Variants in NCOR2 observed in about 807,000 individuals in gnomAD.
The protein encoded by NCOR2 is CTG repeat protein 26.
Under a neutral mutation model 262.9 loss-of-function variants are expected in NCOR2, and 81 were observed. The observed-to-expected ratio is 0.31, with a 90% CI of 0.26 to 0.37. The LOEUF is 0.37. NCOR2 is among the 10% of genes least tolerant of loss of function. The probability of loss-of-function intolerance (pLI) is 1.00; values close to 1 mark genes in which losing one functional copy is unlikely to be tolerated. For synonymous variants in NCOR2, 1,659 were observed against 1,559.3 expected, an observed-to-expected ratio of 1.06 and a Z score of -1.51; for missense variants, 3,385 against 3,621.4, an observed-to-expected ratio of 0.93 and a Z score of 1.68.
At chr12:124,498,710 C>T (rs907869542), upstream of NCOR2, among the ~76,000 whole-genome samples, 3 of 152,224 alleles carry the variant, frequency 2.0e-5, no homozygotes, top group South Asian at 2.1e-4. Flanking sequence ...AAACAAAACA[C>T]GGTATGCATG....
At chr12:124,400,616 G>C in exon 15 of NCOR2, 2 of 1,614,170 alleles carry the variant, frequency 1.2e-6, no homozygotes, top group Non-Finnish European at 1.7e-6. Flanking sequence ...TGCGGCCTTT[G>C]GAGGCCACAG....
chr12:124,433,439 C>T (rs932966684), intron 8 of NCOR2, among the ~76,000 whole-genome samples: 1 of 152,248 alleles, frequency 6.6e-6, no homozygotes, highest in Non-Finnish European at 1.5e-5. Context: ...AGGCCACTGG[C>T]CAGCGGGGCC....
At chr12:124,362,041 C>T (rs1458757250) in intron 22 of NCOR2, 85 bp downstream of exon 24, 48 of 1,177,318 alleles carry the variant, frequency 4.1e-5, no homozygotes, top group Non-Finnish European at 4.9e-5. Context: ...ATGGGGTTTG[C>T]AGCAGCTGCT....
exon 38 of NCOR2, chr12:124,336,805 T>C (rs2035942561): frequency 2.5e-6 from 4 of 1,613,176 alleles, no homozygotes; most frequent in African/African-American, 1.3e-5. Context: ...TTTGAGTCTT[T>C]TCCCGGTGCG....
chr12:124,495,834 G>C (rs2048349162), upstream of NCOR2, among the ~76,000 whole-genome samples: 1 of 152,088 alleles, frequency 6.6e-6, no homozygotes, highest in Non-Finnish European at 1.5e-5. This position sits in a 1 kb window ranked among gnomAD's most constrained non-coding sequence, Gnocchi z 4.4. Context: ...GCTCAGGCGG[G>C]CCACGGGCCA....
rs535444474 is a variant in NCOR2 at position 124,544,449 on chromosome 12, G to A, written c.-164-8838C>T. 1.1e-4 allele frequency among the ~76,000 whole-genome samples: 17 copies of A among 152,296 alleles called. 1 individual carries two copies. The highest frequency in any genetic ancestry group is 5.8e-4 in the East Asian group (3 of 5,184). On this transcript the variant is annotated intron_variant, in intron 1 of 32. Transcript: ENST00000458234. ...GGCCTTTAGAAGCTCCCTGGAGGGC[G>A]GGGGCACCATCCGCCAGAAGCAATT... is the stretch of plus-strand genomic sequence containing the variant.
In NCOR2 at chr12:124,566,660, G is replaced by A. The variant is rs1167282298; in HGVS notation, c.-165+648C>T. Among the ~76,000 whole-genome samples, 1 of 152,230 alleles carries A rather than the reference G, an allele frequency of 6.6e-6. No individual in the cohort carries two copies. Among genetic ancestry groups the A allele is most frequent in the Non-Finnish European group, 1.5e-5 (1 of 68,038 alleles). On this transcript the variant is annotated intron_variant, in intron 1 of 32. Transcript: ENST00000458234. This position sits in a 1 kb window ranked among gnomAD's most constrained non-coding sequence, Gnocchi z 4.3. ...GCACAGCCCGGGGGAGGGACTAGGA[G>A]GCGGCCCAATGAGGCGTCACCAGCC... is the stretch of plus-strand genomic sequence containing the variant.
Position 124,531,737 on chromosome 12 carries a change from T to C in NCOR2, c.-118+3828A>G, listed in dbSNP as rs57232116. 0.11 allele frequency among the ~76,000 whole-genome samples: 15,709 copies of C among 146,354 alleles called. 2,269 individuals are homozygous for C. The highest frequency in any genetic ancestry group is 0.34 in the African/African-American group (13,391 of 39,928). ...CGGTCCTCCCAGAGCCCCCGAGAGG[T>C]GAGATCCCACCGGGCCAGGGCCCTA... On this transcript the variant is annotated intron_variant, in intron 1 of 46. Coordinates refer to the NCOR2 transcript ENST00000404621. This position sits in a 1 kb window ranked among gnomAD's most constrained non-coding sequence, Gnocchi z 4.5.
In NCOR2 at chr12:124,483,121, G is replaced by A. The variant is rs2047587403; in HGVS notation, c.411+475C>T. ...GGGGGCTGCCTGCTGTGCAGGGCTCGAGGCAGGGGTCACTGAGCCCCCTGT... is the reference window on the plus strand; with the variant it reads ...GGGGGCTGCCTGCTGTGCAGGGCTCAAGGCAGGGGTCACTGAGCCCCCTGT... On this transcript the variant is annotated intron_variant, in intron 3 of 46. Coordinates refer to ENST00000405201, the Ensembl canonical transcript of NCOR2. This position sits in a 1 kb window ranked among gnomAD's most constrained non-coding sequence, Gnocchi z 6.3. Among the ~76,000 whole-genome samples the A allele has an allele frequency of 2.0e-5, 3 of 152,082 alleles. No homozygotes were observed. Among genetic ancestry groups the A allele is most frequent in the Admixed American group, 2.0e-4 (3 of 15,290 alleles).
intron 3 of NCOR2, among the ~76,000 whole-genome samples, chr12:124,479,420 T>C (rs1441365711): frequency 6.8e-6 from 1 of 146,674 alleles, no homozygotes; most frequent in Non-Finnish European, 1.5e-5. Context: ...CACAGGTACA[T>C]GCACGCACAC....
Position 124,548,624 on chromosome 12 carries a change from A to G in NCOR2, c.-164-13013T>C, listed in dbSNP as rs2051612123. 6.6e-6 allele frequency among the ~76,000 whole-genome samples: 1 copy of G among 151,986 alleles called. No homozygotes were observed. Among genetic ancestry groups the G allele is most frequent in the South Asian group, 2.1e-4 (1 of 4,810 alleles). ...TTATTCCATCTCACAATAACAGCAT[A>G]TTATCTTTACTGTTCCTGTTATTTT... On this transcript the variant is annotated intron_variant, in intron 1 of 32. Transcript: ENST00000458234. This position sits in a 1 kb window ranked among gnomAD's most constrained non-coding sequence, Gnocchi z 5.1.
intron 20 of NCOR2, among the ~76,000 whole-genome samples, chr12:124,364,349 A>C (rs996337922): frequency 3.3e-5 from 5 of 152,216 alleles, no homozygotes; most frequent in African/African-American, 1.2e-4. Context: ...ATGGAGCCGA[A>C]TGAGCTCCGG....
intron 15 of NCOR2, 49 bp downstream of exon 17, chr12:124,400,452 G>A (rs777337175): frequency 3.3e-5 from 52 of 1,589,274 alleles, no homozygotes; most frequent in East Asian, 6.8e-5. Context: ...AGCGCAACCC[G>A]CCGTGTCTCC....
At chr12:124,462,665 G>A (rs1424532381) in intron 5 of NCOR2, among the ~76,000 whole-genome samples, 2 of 152,224 alleles carry the variant, frequency 1.3e-5, no homozygotes, top group Non-Finnish European at 2.9e-5. Context: ...ACAGGACGGG[G>A]TCTGAAGCAC....
intron 11 of NCOR2, 124 bp downstream of exon 13, chr12:124,426,497 TA>T: frequency 1.1e-6 from 1 of 929,648 alleles, no homozygotes; most frequent in Non-Finnish European, 1.5e-6. Context: ...CAGGAGAGAG[TA>T]AATCCCTGCG....
chr12:124,426,421 C>CAGAAAGAA (rs2043552253), intron 11 of NCOR2, among the ~76,000 whole-genome samples: 1 of 152,240 alleles, frequency 6.6e-6, no homozygotes, highest in Non-Finnish European at 1.5e-5. Flanking sequence ...ACAGGCTCTC[C>CAGAAAGAA]CTTACGGCCC....
chr12:124,489,984 G>A (rs1038298237), intron 1 of NCOR2, among the ~76,000 whole-genome samples: 15 of 152,150 alleles, frequency 9.9e-5, no homozygotes, highest in South Asian at 2.1e-4. Flanking sequence ...AATTCAGCCC[G>A]TTCCTGGACC....
chr12:124,387,402 G>A (rs1202049031), intron 16 of NCOR2, among the ~76,000 whole-genome samples: 1 of 152,224 alleles, frequency 6.6e-6, no homozygotes, highest in African/African-American at 2.4e-5. Flanking sequence ...CATCCTTGCT[G>A]TCATGGCTGT....
exon 29 of NCOR2, chr12:124,348,306 A>G: frequency 6.2e-7 from 1 of 1,607,704 alleles, no homozygotes; most frequent in Non-Finnish European, 8.5e-7. Context: ...TGGGTCACAG[A>G]CATGCCACCT....
Sources: allele counts gnomAD v4.1 joint callset (sites outside exome capture counted in the v4.1 genomes callset), GRCh38; gene constraint gnomAD v4.1.1; non-coding constraint Gnocchi (gnomAD v3.1); transcripts MANE v1.5; gene names NCBI Gene and HGNC (gene_info 2026-07-23, HGNC 2026-07-21).